Variants in ETV6 observed in about 807,000 individuals in gnomAD.
ETV6 encodes the protein transcription factor ETV6.
ETV6 carries 16 observed loss-of-function variants against 51.1 expected under a neutral mutation model. The observed-to-expected ratio is 0.31, with a 90% CI of 0.21 to 0.48. The LOEUF (loss-of-function observed/expected upper bound fraction) is 0.48, where lower values mean the gene tolerates loss of function less well. ETV6 is among the 20% of genes least tolerant of loss of function. The pLI is 0.99. For synonymous variants in ETV6, 240 were observed against 224.1 expected, an observed-to-expected ratio of 1.07 and a Z score of -0.64; for missense variants, 458 against 594.8, an observed-to-expected ratio of 0.77 and a Z score of 2.39.
intron 2 of ETV6, among the ~76,000 whole-genome samples, chr12:11,832,765 A>G (rs1247500691): frequency 6.6e-6 from 1 of 152,242 alleles, no homozygotes; most frequent in Non-Finnish European, 1.5e-5. Flanking sequence ...GCTTTCATGG[A>G]TGAGCTTGGA....
chr12:11,752,392 A>G, intron 1 of ETV6, 58 bp from the exon 2 acceptor site: 1 of 1,568,716 alleles, frequency 6.4e-7, no homozygotes, highest in Non-Finnish European at 8.7e-7. Flanking sequence ...TCATACCTCC[A>G]TTCCAAGCTT....
At chr12:11,724,538 C>G (rs556872674) in intron 1 of ETV6, among the ~76,000 whole-genome samples, 3 of 152,120 alleles carry the variant, frequency 2.0e-5, no homozygotes, top group Non-Finnish European at 2.9e-5. Flanking sequence ...GGTTACTCTG[C>G]TAGATACTAG....
chr12:11,747,589 A>C (rs1348805840), intron 1 of ETV6, among the ~76,000 whole-genome samples: 1 of 152,200 alleles, frequency 6.6e-6, no homozygotes, highest in East Asian at 1.9e-4. Flanking sequence ...CTATTTAGAA[A>C]AGAAGACTGG....
intron 1 of ETV6, chr12:11,716,578 C>T (rs2120908197): frequency 6.6e-6 from 1 of 152,270 alleles, no homozygotes; most frequent in Admixed American, 6.5e-5. Flanking sequence ...CTTCTGCCCT[C>T]TCTTCTAGCA....
chr12:11,698,703 G>A (rs1199651483), intron 1 of ETV6, among the ~76,000 whole-genome samples: 3 of 152,210 alleles, frequency 2.0e-5, no homozygotes, highest in Admixed American at 1.3e-4. Context: ...GAAGTAGGGA[G>A]AACCAAGATA....
At chr12:11,737,880 T>C (rs1182033500) in intron 1 of ETV6, among the ~76,000 whole-genome samples, 1 of 152,126 alleles carries the variant, frequency 6.6e-6, no homozygotes, top group Non-Finnish European at 1.5e-5. Flanking sequence ...TTTTTTGTAG[T>C]TTTAGGGGGA....
chr12:11,653,727 G>A (rs377374786), intron 1 of ETV6, among the ~76,000 whole-genome samples: 5 of 152,090 alleles, frequency 3.3e-5, no homozygotes, highest in African/African-American at 1.2e-4. Flanking sequence ...GCACTCAATA[G>A]GGCCCACTAC....
intron 1 of ETV6, among the ~76,000 whole-genome samples, chr12:11,686,484 G>T (rs942337706): frequency 2.0e-5 from 3 of 152,204 alleles, no homozygotes; most frequent in Admixed American, 2.0e-4. Flanking sequence ...AAAGGGTCTG[G>T]GATGTTTTTG....
At chr12:11,820,874 G>A (rs1190874913) in intron 2 of ETV6, among the ~76,000 whole-genome samples, 1 of 152,204 alleles carries the variant, frequency 6.6e-6, no homozygotes, top group Admixed American at 6.5e-5. Flanking sequence ...TGGCAGGTCT[G>A]TTGAGGATAG....
intron 2 of ETV6, among the ~76,000 whole-genome samples, chr12:11,783,489 C>G (rs913117825): frequency 6.6e-6 from 1 of 151,916 alleles, no homozygotes; most frequent in Non-Finnish European, 1.5e-5. Flanking sequence ...GGATTGGAAT[C>G]GAGAGAAAAG....
chr12:11,797,572 T>C (rs865780456), intron 2 of ETV6, among the ~76,000 whole-genome samples: 1 of 152,182 alleles, frequency 6.6e-6, no homozygotes, highest in South Asian at 2.1e-4. Context: ...GGCTTGTTTT[T>C]AGGTGGCAGA....
At chr12:11,739,939 C>T (rs1202860224) in intron 1 of ETV6, among the ~76,000 whole-genome samples, 4 of 152,126 alleles carry the variant, frequency 2.6e-5, no homozygotes, top group South Asian at 2.1e-4. Context: ...TAATTTTTCC[C>T]GTTGTGTTAA....
At chr12:11,873,360 C>T (rs527461047) in intron 5 of ETV6, among the ~76,000 whole-genome samples, 11 of 152,250 alleles carry the variant, frequency 7.2e-5, no homozygotes, top group Middle Eastern at 6.8e-3. Context: ...CTGGACTCCT[C>T]GATCCTTGTA....
intron 1 of ETV6, among the ~76,000 whole-genome samples, chr12:11,711,907 C>G (rs1428371820): frequency 6.6e-6 from 1 of 152,168 alleles, no homozygotes; most frequent in East Asian, 1.9e-4. Context: ...ATCACTGAAT[C>G]ACTTTTCTCT....
chr12:11,714,787 G>A (rs1332907369), intron 1 of ETV6, among the ~76,000 whole-genome samples: 2 of 152,192 alleles, frequency 1.3e-5, no homozygotes, highest in Admixed American at 6.5e-5. Flanking sequence ...GAGGGCAGGG[G>A]CATGTGAGTT....
intron 2 of ETV6, among the ~76,000 whole-genome samples, chr12:11,777,759 C>T (rs954489065): frequency 6.6e-6 from 1 of 151,892 alleles, no homozygotes; most frequent in African/African-American, 2.4e-5. Context: ...CCCACCTCCA[C>T]CCCCCACCCT....
chr12:11,752,735 A>C, intron 2 of ETV6, 156 bp downstream of exon 2: 3 of 779,444 alleles, frequency 3.8e-6, no homozygotes, highest in South Asian at 2.6e-5. Context: ...CTACCCCCAG[A>C]TACCTTTGAA....
chr12:11,744,640 A>G (rs1485239090), intron 1 of ETV6, among the ~76,000 whole-genome samples: 6 of 152,206 alleles, frequency 3.9e-5, no homozygotes, highest in Non-Finnish European at 7.3e-5. Context: ...TGCTGAGCTC[A>G]TCTAATCTCT....
intron 2 of ETV6, among the ~76,000 whole-genome samples, chr12:11,824,136 C>T (rs192162356): frequency 1.3e-5 from 2 of 152,324 alleles, no homozygotes; most frequent in East Asian, 3.9e-4. Flanking sequence ...TCTGGGAGGA[C>T]AGCACAGGCA....
Sources: allele counts gnomAD v4.1 joint callset (sites outside exome capture counted in the v4.1 genomes callset), GRCh38; gene constraint gnomAD v4.1.1; transcripts MANE v1.5; gene names NCBI Gene and HGNC (gene_info 2026-07-23, HGNC 2026-07-21).